CEP162: variants seen among roughly 807,000 people sequenced by gnomAD.
CEP162 encodes centrosomal protein 162.
In CEP162, 141 loss-of-function variants were observed where a neutral mutation model predicts 169.2. The observed-to-expected ratio is 0.83, with a 90% CI of 0.73 to 0.96. The LOEUF (loss-of-function observed/expected upper bound fraction) is 0.96, where lower values mean the gene tolerates loss of function less well. Among genes scored for constraint, CEP162 ranks in the 40% least tolerant of loss-of-function variants. The pLI is 0.00. For missense variants in CEP162, 1,600 were observed against 1,587.2 expected, an observed-to-expected ratio of 1.01 and a Z score of -0.14; for synonymous variants, 540 against 526.4, an observed-to-expected ratio of 1.03 and a Z score of -0.35.
At chr6:84,133,326 G>A (rs964873576) in intron 25 of CEP162, among the ~76,000 whole-genome samples, 1 of 152,212 alleles carries the variant, frequency 6.6e-6, no homozygotes, top group African/African-American at 2.4e-5. Flanking sequence ...ACTTGAGGAG[G>A]CAGTCTGTCT....
At chr6:84,160,231 C>T (rs2099525210) in intron 21 of CEP162, among the ~76,000 whole-genome samples, 1 of 152,040 alleles carries the variant, frequency 6.6e-6, no homozygotes, top group South Asian at 2.1e-4. Flanking sequence ...AAAAAAATAA[C>T]AATCTTGCTT....
intron 11 of CEP162, among the ~76,000 whole-genome samples, chr6:84,186,908 A>G (rs1199872970): frequency 6.6e-6 from 1 of 152,194 alleles, no homozygotes; most frequent in East Asian, 1.9e-4. Context: ...AACAAGACTG[A>G]GACTGCTTTT....
intron 19 of CEP162, among the ~76,000 whole-genome samples, chr6:84,162,551 A>G (rs2099526213): frequency 1.3e-5 from 2 of 152,162 alleles, no homozygotes; most frequent in Non-Finnish European, 2.9e-5. Flanking sequence ...ACTCTAAGTT[A>G]TAGAACATAC....
chr6:84,219,491 T>C (rs1011637003), intron 3 of CEP162, among the ~76,000 whole-genome samples: 1 of 152,212 alleles, frequency 6.6e-6, no homozygotes, highest in Non-Finnish European at 1.5e-5. Flanking sequence ...TGATTCATTA[T>C]CTTCTAGACA....
chr6:84,144,314 T>TATAC (rs2129196166), intron 25 of CEP162, among the ~76,000 whole-genome samples: 1 of 152,180 alleles, frequency 6.6e-6, no homozygotes, highest in African/African-American at 2.4e-5. Flanking sequence ...CCAGAAGTTG[T>TATAC]ATACAATTCC....
In CEP162 at chr6:84,174,146, G is replaced by A; in HGVS notation, c.2068C>T (p.His690Tyr). The A allele has an allele frequency of 6.2e-7, 1 of 1,609,446 alleles. No homozygotes were observed. The highest frequency in any genetic ancestry group is 8.5e-7 in the Non-Finnish European group (1 of 1,177,350). The change falls in exon 16 of 27, where the codon CAT becomes TAT. Residue 690 changes from histidine to tyrosine, a missense_variant. By Grantham distance (83) the His-to-Tyr change is moderately conservative. Transcript: ENST00000403245. ...EETNKKQRWL[H>Y]FGEAADPVTG... ...ACAGGATCAGCTGCTTCTCCAAAAT[G>A]TAACCACCTTTGTTTTTTGTTTGTT...
chr6:84,215,761 C>A lies in CEP162; in HGVS notation c.319+15G>T. On this transcript the variant is annotated intron_variant, in intron 4 of 26. Coordinates refer to ENST00000403245, the MANE Select transcript of CEP162 (RefSeq NM_014895.4). ...AATTAATAATTTACCAACTCATATC[C>A]CTTGCATTTCTTACCATTTGTTTCT... is the stretch of plus-strand genomic sequence containing the variant. The A allele has an allele frequency of 6.4e-7, 1 of 1,573,252 alleles. No homozygotes were observed. Among genetic ancestry groups the A allele is most frequent in the Non-Finnish European group, 8.6e-7 (1 of 1,157,214 alleles).
At chr6:84,214,874 T>A (rs906679171) in intron 5 of CEP162, among the ~76,000 whole-genome samples, 2 of 152,222 alleles carry the variant, frequency 1.3e-5, no homozygotes, top group Non-Finnish European at 2.9e-5. Flanking sequence ...GGGCCAACCA[T>A]ACAGAGGTTA....
At chr6:84,149,870 G>A (rs1350146311) in intron 23 of CEP162, among the ~76,000 whole-genome samples, 167 bp from the exon 24 acceptor site, 1 of 152,118 alleles carries the variant, frequency 6.6e-6, no homozygotes, top group Non-Finnish European at 1.5e-5. Flanking sequence ...CTGCCTATGA[G>A]TTCTTATGAC....
At chr6:84,139,655 A>G (rs2099515685) in intron 25 of CEP162, among the ~76,000 whole-genome samples, 1 of 152,182 alleles carries the variant, frequency 6.6e-6, no homozygotes, top group African/African-American at 2.4e-5. Context: ...GCTCTCCCAG[A>G]TATCTGTCTA....
At chr6:84,211,230 A>T (rs2099549288) in intron 6 of CEP162, among the ~76,000 whole-genome samples, 1 of 150,792 alleles carries the variant, frequency 6.6e-6, no homozygotes, top group Non-Finnish European at 1.5e-5. Flanking sequence ...GAAAGAAAAA[A>T]AAAAAGGATG....
rs201104500 is a variant in CEP162 at position 84,186,512 on chromosome 6, G to T, written c.1221C>A (p.Asp407Glu). ...QDSQHVNLFF[D>E]KNDENVILQK... The stretch of plus-strand genomic sequence containing the variant: ...GTAAAATCACATTCTCATCATTTTT[G>T]TCAAAAAAAAGGTTCACATGTTGTG... Residue 407 changes from aspartate (D) to glutamate (E), a missense_variant, in exon 12 of 27, where the codon GAC becomes GAA. Asp to Glu is a conservative substitution (Grantham distance 45). Transcript: ENST00000403245. 160 of 1,612,518 alleles carry T rather than the reference G, an allele frequency of 9.9e-5. No individual in the cohort carries two copies. In the East Asian group the frequency reaches 2.3e-3, roughly 23 times the overall value.
At chr6:84,204,694 C>G (rs955793888) in intron 6 of CEP162, among the ~76,000 whole-genome samples, 1 of 152,108 alleles carries the variant, frequency 6.6e-6, no homozygotes, top group Non-Finnish European at 1.5e-5. Context: ...CAAACACATT[C>G]AAAAGCTAGC....
intron 3 of CEP162, among the ~76,000 whole-genome samples, chr6:84,218,147 G>A (rs895955183): frequency 6.6e-6 from 1 of 152,194 alleles, no homozygotes; most frequent in African/African-American, 2.4e-5. Flanking sequence ...CCATGAGGAA[G>A]TAACATTTCT....
intron 21 of CEP162, among the ~76,000 whole-genome samples, chr6:84,158,092 C>A (rs188189144): frequency 1.2e-4 from 18 of 152,276 alleles, no homozygotes; most frequent in Non-Finnish European, 2.5e-4. Context: ...TGTCTATATA[C>A]CTGCTTTTTA....
chr6:84,192,351 TG>T (rs1373258018), intron 11 of CEP162, among the ~76,000 whole-genome samples: 26 of 152,236 alleles, frequency 1.7e-4, no homozygotes, highest in African/African-American at 5.8e-4. Context: ...ATTACTGAAA[TG>T]GTTTTACCTA....
At chr6:84,178,085 G>A (rs1016487221) in intron 13 of CEP162, among the ~76,000 whole-genome samples, 3 of 152,184 alleles carry the variant, frequency 2.0e-5, no homozygotes, top group Non-Finnish European at 2.9e-5. Flanking sequence ...AGAATTTGTA[G>A]CAGTCTAGAT....
At chr6:84,148,696 A>T (rs757596138) in intron 24 of CEP162, among the ~76,000 whole-genome samples, 2 of 152,164 alleles carry the variant, frequency 1.3e-5, no homozygotes, top group African/African-American at 2.4e-5. Flanking sequence ...AAATAATTAC[A>T]CTTGGTGAGA....
chr6:84,146,982 C>T (rs1001877222), intron 24 of CEP162, among the ~76,000 whole-genome samples, 197 bp from the exon 25 acceptor site: 1 of 151,990 alleles, frequency 6.6e-6, no homozygotes, highest in African/African-American at 2.4e-5. Context: ...TCTAGCAATC[C>T]CACTACTGGG....
Sources: allele counts gnomAD v4.1 joint callset (sites outside exome capture counted in the v4.1 genomes callset), GRCh38; gene constraint gnomAD v4.1.1; transcripts MANE v1.5; gene names NCBI Gene and HGNC (gene_info 2026-07-23, HGNC 2026-07-21).